Variants in ZNF680 observed in about 807,000 individuals in gnomAD.
The protein encoded by ZNF680 is zinc finger protein 680, also known as hypothetical protein FLJ90430.
ZNF680 carries 6 observed loss-of-function variants against 12.1 expected under a neutral mutation model. The observed-to-expected ratio is 0.49, with a 90% CI of 0.27 to 0.98. ZNF680 has a LOEUF of 0.98. ZNF680 is among the 50% of genes least tolerant of loss of function. The pLI is 0.12. For missense variants in ZNF680, 561 were observed against 616.3 expected, an observed-to-expected ratio of 0.91 and a Z score of 0.95; for synonymous variants, 170 against 199.3, an observed-to-expected ratio of 0.85 and a Z score of 1.24.
At chr7:64,534,633 C>T (rs1462275324) in intron 3 of ZNF680, among the ~76,000 whole-genome samples, 1 of 152,164 alleles carries the variant, frequency 6.6e-6, no homozygotes, top group African/African-American at 2.4e-5. Flanking sequence ...GGTAGAACTA[C>T]CATTTGACCC....
chr7:64,517,849 T>A (rs1414661921), downstream of ZNF680, among the ~76,000 whole-genome samples: 2 of 152,104 alleles, frequency 1.3e-5, no homozygotes, highest in East Asian at 3.9e-4. Flanking sequence ...ATCATCTCAA[T>A]AAACACAGAA....
downstream of ZNF680, among the ~76,000 whole-genome samples, chr7:64,519,532 C>T (rs1432238720): frequency 6.6e-6 from 1 of 151,722 alleles, no homozygotes; most frequent in East Asian, 1.9e-4. Context: ...AAGATACTTG[C>T]ACACACGTTT....
chr7:64,556,033 A>C (rs887318230), intron 1 of ZNF680, among the ~76,000 whole-genome samples: 3 of 151,720 alleles, frequency 2.0e-5, no homozygotes, highest in Admixed American at 1.3e-4. Flanking sequence ...AACCACAAAA[A>C]TAATAAAATG....
chr7:64,522,353 A>T lies in ZNF680; in HGVS notation c.401T>A (p.Val134Glu). The T allele has an allele frequency of 3.7e-6, 6 of 1,612,196 alleles. No homozygotes were observed. The highest frequency in any genetic ancestry group is 5.1e-6 in the Non-Finnish European group (6 of 1,179,134). ...ISCKSVDESK[V>E]FKEGYNELNQ... is the part of the protein sequence containing the mutation. ...AAGTTCATTATAACCTTCTTTGAACACCTTAGACTCATCCACACTTTTACA... is the reference window on the plus strand; with the variant it reads ...AAGTTCATTATAACCTTCTTTGAACTCCTTAGACTCATCCACACTTTTACA... The change falls in exon 4 of 4, where the codon GTG becomes GAG. Residue 134 changes from valine to glutamate, a missense_variant. Physicochemically the swap from Val to Glu is moderately radical, Grantham distance 121 (BLOSUM62 -2). Transcript: ENST00000309683.
At chr7:64,502,363 T>C in the ZNF680 span, among the ~76,000 whole-genome samples, 1 of 151,942 alleles carries the variant, frequency 6.6e-6, no homozygotes, top group Non-Finnish European at 1.5e-5. Flanking sequence ...ATGCAGAAAG[T>C]AGTTTTTTTC....
intron 1 of ZNF680, among the ~76,000 whole-genome samples, chr7:64,561,889 C>T (rs1268740551): frequency 2.8e-5 from 4 of 141,956 alleles, no homozygotes; most frequent in Admixed American, 1.5e-4. Flanking sequence ...GAGCCGAGAT[C>T]GCGCCACTGC....
At chr7:64,525,966 T>C (rs1235606995) in intron 3 of ZNF680, 6 of 985,084 alleles carry the variant, frequency 6.1e-6, no homozygotes, top group Non-Finnish European at 7.2e-6. Context: ...CTGATTCATA[T>C]TTGACTTTGT....
intron 1 of ZNF680, among the ~76,000 whole-genome samples, chr7:64,558,120 C>T (rs889917252): frequency 6.6e-6 from 1 of 152,122 alleles, no homozygotes; most frequent in East Asian, 1.9e-4. Context: ...TTGTTTATTT[C>T]TGTGTCCGGG....
At chr7:64,528,302 G>T (rs1331459601) in intron 3 of ZNF680, among the ~76,000 whole-genome samples, 1 of 152,150 alleles carries the variant, frequency 6.6e-6, no homozygotes, top group African/African-American at 2.4e-5. Flanking sequence ...AAGCCTCCGG[G>T]CCAGAACTCG....
At chr7:64,557,414 G>T (rs1015592984) in intron 1 of ZNF680, among the ~76,000 whole-genome samples, 1 of 151,396 alleles carries the variant, frequency 6.6e-6, no homozygotes, top group African/African-American at 2.4e-5. Context: ...AAGTAGCCAC[G>T]TGTGTTGGCA....
intron 3 of ZNF680, among the ~76,000 whole-genome samples, chr7:64,534,228 A>G (rs1786038081): frequency 1.3e-5 from 2 of 152,220 alleles, no homozygotes; most frequent in Admixed American, 1.3e-4. Context: ...GTAAACAGAC[A>G]ACCCACAGAG....
chr7:64,526,520 G>C (rs1412033326), intron 3 of ZNF680: 2 of 622,582 alleles, frequency 3.2e-6, no homozygotes, highest in African/African-American at 3.8e-5. Context: ...GTAAGACTCT[G>C]CATATAAACA....
chr7:64,523,006 T>C (rs561167675), intron 3 of ZNF680, among the ~76,000 whole-genome samples: 1 of 151,648 alleles, frequency 6.6e-6, no homozygotes, highest in Non-Finnish European at 1.5e-5. Context: ...TCCCTACATA[T>C]AAAAGATGCT....
intron 1 of ZNF680, among the ~76,000 whole-genome samples, chr7:64,545,337 T>C (rs1479709654): frequency 6.7e-6 from 1 of 149,756 alleles, no homozygotes; most frequent in Non-Finnish European, 1.5e-5. Flanking sequence ...GATGAGAGCC[T>C]TCATCTTCCA....
chr7:64,527,540 A>G (rs1450000275), intron 3 of ZNF680, among the ~76,000 whole-genome samples: 1 of 152,108 alleles, frequency 6.6e-6, no homozygotes, highest in Non-Finnish European at 1.5e-5. Flanking sequence ...TACTAAAAAT[A>G]CAAAATTAGC....
intron 3 of ZNF680, chr7:64,525,795 A>G (rs1177722487): frequency 2.0e-6 from 2 of 977,646 alleles, no homozygotes; most frequent in East Asian, 2.3e-4. Context: ...ATGAATAAAT[A>G]GATGTTGAAA....
chr7:64,533,767 T>C (rs539354435), intron 3 of ZNF680, among the ~76,000 whole-genome samples: 2 of 152,256 alleles, frequency 1.3e-5, no homozygotes, highest in South Asian at 2.1e-4. Flanking sequence ...TTTCAAACTA[T>C]ACTATAAGCC....
At chr7:64,546,229 G>A (rs1786779542) in intron 1 of ZNF680, among the ~76,000 whole-genome samples, 1 of 152,122 alleles carries the variant, frequency 6.6e-6, no homozygotes, top group Admixed American at 6.6e-5. Flanking sequence ...AATTCTTCCT[G>A]TTTCTCCTTT....
At chr7:64,507,795 A>T in the ZNF680 span, among the ~76,000 whole-genome samples, 2 of 151,158 alleles carry the variant, frequency 1.3e-5, no homozygotes, top group Admixed American at 1.3e-4. Context: ...CAGAGAAAAA[A>T]GTGTTTTTTT....
Sources: gnomAD v4.1 joint callset for allele counts (sites outside exome capture counted in the v4.1 genomes callset) on GRCh38, gnomAD v4.1.1 for gene constraint, MANE v1.5 for transcripts, NCBI Gene and HGNC (gene_info 2026-07-23, HGNC 2026-07-21) for gene names.